Variants in TMC5 observed in about 807,000 individuals in gnomAD.
TMC5 encodes the protein transmembrane channel-like protein 5.
In TMC5, 86 loss-of-function variants were observed where a neutral mutation model predicts 110.5. That is an observed-to-expected ratio of 0.78 (90% CI 0.65 to 0.93). The LOEUF is 0.93. Among genes scored for constraint, TMC5 ranks in the 40% least tolerant of loss-of-function variants. The pLI is 0.00. For synonymous variants in TMC5, 455 were observed against 439.5 expected (o/e 1.04, Z -0.44); for missense variants, 1,144 against 1,222.8 (o/e 0.94, Z 0.96).
intron 20 of TMC5, among the ~76,000 whole-genome samples, chr16:19,496,829 G>A (rs1365389801): frequency 6.8e-6 from 1 of 148,136 alleles, no homozygotes; most frequent in Non-Finnish European, 1.5e-5. Context: ...GGCGGAGGTT[G>A]CAGTGAGCCG....
chr16:19,436,022 G>A (rs1967335820), intron 2 of TMC5, among the ~76,000 whole-genome samples: 1 of 152,074 alleles, frequency 6.6e-6, no homozygotes, highest in South Asian at 2.1e-4. Flanking sequence ...AGCACTTTGG[G>A]AGGCCGAGGT....
At chr16:19,425,833 T>C (rs1454625517) in intron 1 of TMC5, among the ~76,000 whole-genome samples, 1 of 152,170 alleles carries the variant, frequency 6.6e-6, no homozygotes, top group Non-Finnish European at 1.5e-5. Flanking sequence ...ATTACAGGCA[T>C]GCACCACCAC....
rs1348870606 is a variant in TMC5 at position 19,460,282 on chromosome 16, A to G, written c.1096A>G (p.Ile366Val). Residue 366 changes from isoleucine (I) to valine (V), a missense_variant, in exon 6 of 22, where the codon ATT (isoleucine) becomes GTT (valine). Transcript: ENST00000542583. ...TATACCCATGACATCCAGAGACAGA[A>G]TTAAAGCCATCAGGAACCAGCCAAG... ...SLIPMTSRDRIKAIRNQPRTM... is the reference protein window; with the variant it reads ...SLIPMTSRDRVKAIRNQPRTM... 1.9e-6 allele frequency: 3 copies of G among 1,613,870 alleles called. No homozygotes were observed. The highest frequency in any genetic ancestry group is 2.5e-6 in the Non-Finnish European group (3 of 1,179,828).
intron 15 of TMC5, among the ~76,000 whole-genome samples, chr16:19,485,943 G>A (rs1968730010): frequency 6.6e-6 from 1 of 152,188 alleles, no homozygotes; most frequent in Non-Finnish European, 1.5e-5. Flanking sequence ...CCATGGGGGA[G>A]GAAGAAGGAG....
chr16:19,485,589 C>A (rs556906985), intron 15 of TMC5, among the ~76,000 whole-genome samples: 1 of 152,184 alleles, frequency 6.6e-6, no homozygotes, highest in Non-Finnish European at 1.5e-5. Flanking sequence ...TGAGCCACCA[C>A]GCCTGGCCTC....
intron 13 of TMC5, among the ~76,000 whole-genome samples, chr16:19,478,019 C>T (rs112908552): frequency 1.3e-5 from 2 of 152,320 alleles, no homozygotes; most frequent in African/African-American, 4.8e-5. Context: ...CTGACTGTTT[C>T]TGGCCGTCCT....
chr16:19,474,536 T>G (rs1968438890), intron 12 of TMC5, among the ~76,000 whole-genome samples: 1 of 152,006 alleles, frequency 6.6e-6, no homozygotes, highest in Admixed American at 6.6e-5. Flanking sequence ...AAAAGCTGGA[T>G]GCAGTGGCAT....
intron 5 of TMC5, among the ~76,000 whole-genome samples, chr16:19,458,405 G>T (rs972218413): frequency 3.3e-5 from 5 of 151,848 alleles, no homozygotes; most frequent in African/African-American, 1.2e-4. Flanking sequence ...TAGAGACAGG[G>T]TTTCACCATG....
intron 5 of TMC5, chr16:19,456,634 T>A: frequency 6.5e-7 from 1 of 1,542,840 alleles, no homozygotes; most frequent in Middle Eastern, 1.9e-4. Context: ...TCCCAATCAA[T>A]GCGGGTGTGA....
intron 10 of TMC5, among the ~76,000 whole-genome samples, chr16:19,470,721 T>A (rs1968316506): frequency 2.4e-5 from 1 of 41,306 alleles, no homozygotes; most frequent in African/African-American, 7.9e-5. Flanking sequence ...ACAAACTTAT[T>A]AAAAAAAAAA....
At chr16:19,416,961 G>T (rs1023471516), upstream of TMC5, among the ~76,000 whole-genome samples, 2 of 151,940 alleles carry the variant, frequency 1.3e-5, no homozygotes. Flanking sequence ...AGGTGTAGTG[G>T]CAGACACCTG....
rs1967467738 is a variant in TMC5 at position 19,440,744 on chromosome 16, A to T, written c.706A>T (p.Ser236Cys). 1.2e-6 allele frequency: 2 copies of T among 1,614,180 alleles called. No homozygotes were observed. The highest frequency in any genetic ancestry group is 2.2e-5 in the South Asian group (2 of 91,080). Residue 236 changes from serine (S) to cysteine (C), a missense_variant, in exon 3 of 22, where the codon AGC (serine) becomes TGC (cysteine). Physicochemically the swap from Ser to Cys is moderately radical, Grantham distance 112 (BLOSUM62 -1). Coordinates refer to ENST00000542583, the MANE Select transcript of TMC5 (RefSeq NM_001261841.2). Reference sequence around the variant, plus strand: ...TGCTGAGGACAATCAGAACTTGCCAAGCACTTGGAGAGAACCTGATTATTC... The same window carrying T: ...TGCTGAGGACAATCAGAACTTGCCATGCACTTGGAGAGAACCTGATTATTC... Reference protein sequence around the residue: ...PSAEDNQNLPSTWREPDYSDA... With the variant: ...PSAEDNQNLPCTWREPDYSDA...
Position 19,480,548 on chromosome 16 carries a change from T to C in TMC5, c.2268-822T>C, listed in dbSNP as rs528279528. Among the ~76,000 whole-genome samples the C allele has an allele frequency of 7.2e-5, 11 of 152,290 alleles. No individual in the cohort carries two copies. The South Asian group carries it at 2.3e-3, about 32-fold the overall frequency. On this transcript the variant is annotated intron_variant, in intron 14 of 21. Coordinates refer to ENST00000542583, the MANE Select transcript of TMC5 (RefSeq NM_001261841.2). ...GGCCGGGCACAGTGACTCATACCTG[T>C]AATCCCAACACTTTGGGAGGCCAAG...
At chr16:19,490,734 CCTT>C (rs1169267294) in intron 18 of TMC5, among the ~76,000 whole-genome samples, 166 bp downstream of exon 18, 3,019 of 104,266 alleles carry the variant, frequency 0.029, 110 homozygotes, top group African/African-American at 0.074. Context: ...TTCCTTCCTT[CCTT>C]CCTTCCTTCC....
chr16:19,457,672 C>T (rs1366345250), intron 5 of TMC5, among the ~76,000 whole-genome samples: 2 of 135,498 alleles, frequency 1.5e-5, no homozygotes, highest in Non-Finnish European at 3.1e-5. Flanking sequence ...AGATCTGGGG[C>T]CCAAATACAG....
rs369499002 is a variant in TMC5 at position 19,435,255 on chromosome 16, G to A, written c.-80+4615G>A. ...ACCTGTAATCCCAGCACTTTGGGAC[G>A]CCAAGGCGGGTGGATCATGAGGTCA... On this transcript the variant is annotated intron_variant, in intron 2 of 21. Transcript: ENST00000542583. Among the ~76,000 whole-genome samples the A allele has an allele frequency of 2.6e-5, 4 of 151,628 alleles. 1 individual carries two copies.
intron 2 of TMC5, among the ~76,000 whole-genome samples, chr16:19,436,296 G>GA (rs1378437472): frequency 4.0e-5 from 4 of 100,178 alleles, no homozygotes; most frequent in Admixed American, 3.7e-4. Flanking sequence ...AAAGGAAAAA[G>GA]AAAAAGAAAA....
intron 4 of TMC5, among the ~76,000 whole-genome samples, chr16:19,444,796 G>A (rs1967575199): frequency 6.6e-6 from 1 of 152,158 alleles, no homozygotes; most frequent in Non-Finnish European, 1.5e-5. Flanking sequence ...CTGCCCTCAT[G>A]TTATTTAAAG....
At chr16:19,434,445 C>CTA (rs1396352272) in intron 2 of TMC5, among the ~76,000 whole-genome samples, 1 of 113,758 alleles carries the variant, frequency 8.8e-6, no homozygotes, top group Non-Finnish European at 1.7e-5. Context: ...TCATATATAT[C>CTA]TATTATATAT....
Sources: allele counts gnomAD v4.1 joint callset (sites outside exome capture counted in the v4.1 genomes callset), GRCh38; gene constraint gnomAD v4.1.1; transcripts MANE v1.5; gene names NCBI Gene and HGNC (gene_info 2026-07-23, HGNC 2026-07-21).